The following NBEAL1 variants were observed in gnomAD, a reference collection of about 807,000 sequenced individuals.
NBEAL1 encodes the protein neurobeachin-like protein 1.
NBEAL1 carries 273 observed loss-of-function variants against 351.3 expected under a neutral mutation model. The ratio of observed to expected loss-of-function variants is 0.78; its 90% CI spans 0.70 to 0.86. NBEAL1 has a LOEUF of 0.86. NBEAL1 is among the 40% of genes least tolerant of loss of function. The probability of loss-of-function intolerance (pLI) is 0.00; values close to 1 mark genes in which losing one functional copy is unlikely to be tolerated. For synonymous variants in NBEAL1, 1,050 were observed against 1,086.4 expected (o/e 0.97, Z 0.66); for missense variants, 2,961 against 3,201.3 (o/e 0.92, Z 1.81).
intron 2 of NBEAL1, among the ~76,000 whole-genome samples, chr2:203,036,143 G>A (rs932372991): frequency 6.7e-6 from 1 of 149,246 alleles, no homozygotes; most frequent in East Asian, 1.9e-4. Context: ...CAAATGGCAA[G>A]ATAGGCCAGA....
In NBEAL1 at chr2:203,041,862, T is replaced by TA; in HGVS notation, c.143+7dup. 2 of 1,542,264 alleles carry TA rather than the reference T, an allele frequency of 1.3e-6. No individual in the cohort carries two copies. Among genetic ancestry groups the TA allele is most frequent in the Non-Finnish European group, 1.8e-6 (2 of 1,138,246 alleles). ...TTTGAAAAGCTGCCTACCAGGTATG[T>TA]AGAAACGCTAATTTGTAACCCCTGG... is the stretch of plus-strand genomic sequence containing the variant. On this transcript the variant is annotated splice_region_variant and intron_variant, in intron 3 of 55. Coordinates refer to ENST00000683969, the MANE Select transcript of NBEAL1 (RefSeq NM_001378026.1).
In NBEAL1 at chr2:203,154,310, A is replaced by T. The variant is rs189263627; in HGVS notation, c.5587+2721A>T. ...TACAGAAAAAAAAATTATATATTTCAAGGTGAAATTGGAAATCATAAAAAA... is the reference window on the plus strand; with the variant it reads ...TACAGAAAAAAAAATTATATATTTCTAGGTGAAATTGGAAATCATAAAAAA... On this transcript the variant is annotated intron_variant, in intron 35 of 55. Transcript: ENST00000683969. 1.0e-3 allele frequency among the ~76,000 whole-genome samples: 159 copies of T among 152,148 alleles called. 1 individual carries two copies. Among genetic ancestry groups the T allele is most frequent in the Non-Finnish European group, 1.8e-3 (121 of 68,014 alleles).
chr2:203,177,146 A>G (rs2064532556), intron 42 of NBEAL1, among the ~76,000 whole-genome samples: 2 of 146,634 alleles, frequency 1.4e-5, no homozygotes, highest in South Asian at 2.2e-4. Context: ...GCAAAGCTCT[A>G]TCTCAAAAAA....
intron 44 of NBEAL1, among the ~76,000 whole-genome samples, chr2:203,184,100 GAAAC>G (rs1217904884): frequency 9.5e-5 from 10 of 105,184 alleles, no homozygotes; most frequent in South Asian, 9.2e-4. Flanking sequence ...AAAAAAAAAA[GAAAC>G]AAACAAAAAA....
chr2:203,213,164 A>T (rs2065833638), intron 54 of NBEAL1, among the ~76,000 whole-genome samples: 2 of 152,378 alleles, frequency 1.3e-5, no homozygotes, highest in South Asian at 4.1e-4. Context: ...AGATGTAAAA[A>T]CTGAAGTAAT....
At chr2:203,139,515 A>G (rs1191807397) in intron 31 of NBEAL1, among the ~76,000 whole-genome samples, 2 of 145,532 alleles carry the variant, frequency 1.4e-5, no homozygotes, top group Non-Finnish European at 3.0e-5. Context: ...TAATAAGAAC[A>G]TGGAGAGGTT....
chr2:203,126,638 C>T lies in NBEAL1; in HGVS notation c.3067C>T (p.Gln1023Ter). Residue 1023 changes from glutamine to a stop codon, truncating the protein, a stop_gained, in exon 22 of 56, where the codon CAG (glutamine) becomes TAG (stop). Transcript: ENST00000683969. LOFTEE classifies it high-confidence loss of function. ...ACAAGTATCATTAGAGAAAAATATG[C>T]AGCTCCTGCAACAAATGTATCAATA... The part of the protein sequence containing the change: ...IEQVSLEKNM[Q>*]LLQQMYQYLL... 1 of 1,529,520 alleles carries T rather than the reference C, an allele frequency of 6.5e-7. No homozygotes were observed. Among genetic ancestry groups the T allele is most frequent in the South Asian group, 1.3e-5 (1 of 79,042 alleles). The allele number at this position is 1,529,520 out of a possible 1,614,324, so 94.7% of individuals were successfully genotyped here. A position where few individuals can be genotyped will look rare whatever the true frequency, so the allele number is the denominator to read the frequency against.
chr2:203,131,474 G>A (rs770975752), intron 25 of NBEAL1, among the ~76,000 whole-genome samples: 4 of 152,044 alleles, frequency 2.6e-5, no homozygotes, highest in Non-Finnish European at 5.9e-5. Context: ...CCTCAGCCTC[G>A]CTAAGTGCTG....
chr2:203,143,515 G>T (rs527954378), intron 31 of NBEAL1, among the ~76,000 whole-genome samples: 31 of 145,650 alleles, frequency 2.1e-4, no homozygotes, highest in African/African-American at 7.9e-4. Flanking sequence ...GATTCAGTCA[G>T]GGCTCCAGTT....
chr2:203,033,418 A>G (rs1339341427), intron 2 of NBEAL1, among the ~76,000 whole-genome samples: 1 of 152,264 alleles, frequency 6.6e-6, no homozygotes, highest in African/African-American at 2.4e-5. Flanking sequence ...TATATTGAAC[A>G]GGCCACTATC....
At chr2:203,097,481 T>C in intron 10 of NBEAL1, 66 bp from the exon 11 acceptor site, 1 of 580,538 alleles carries the variant, frequency 1.7e-6, no homozygotes, top group Non-Finnish European at 2.2e-6. Flanking sequence ...CATTTAAGCT[T>C]CATTGCTGCT....
chr2:203,060,737 C>T (rs2061486481), intron 6 of NBEAL1, among the ~76,000 whole-genome samples: 1 of 152,226 alleles, frequency 6.6e-6, no homozygotes, highest in East Asian at 1.9e-4. Context: ...ATTATAATAA[C>T]ATTCCACTTA....
At chr2:203,168,510 G>A (rs2064209653) in intron 38 of NBEAL1, among the ~76,000 whole-genome samples, 1 of 152,226 alleles carries the variant, frequency 6.6e-6, no homozygotes, top group South Asian at 2.1e-4. Context: ...TTGAACCTGG[G>A]AGGCAGAGAT....
intron 10 of NBEAL1, among the ~76,000 whole-genome samples, chr2:203,092,749 C>T (rs1327936289): frequency 6.6e-6 from 1 of 152,034 alleles, no homozygotes; most frequent in African/African-American, 2.4e-5. Context: ...GAGAGTAATT[C>T]AGAATAAAGA....
chr2:203,135,794 C>A lies in NBEAL1; in HGVS notation c.3931C>A (p.Leu1311Ile), dbSNP rs1269372310. The A allele has an allele frequency of 6.2e-7, 1 of 1,612,534 alleles. No individual in the cohort carries two copies. The highest frequency in any genetic ancestry group is 1.7e-5 in the Admixed American group (1 of 59,814). ...AGCAAAATTTGAAAACGGAAATACT[C>A]TTCATAAGCACAGTAGAGCTGTTTT... ...LKAKFENGNT[L>I]HKHSRAVLMK... The change falls in exon 28 of 56, where the codon CTT becomes ATT. Residue 1311 changes from leucine to isoleucine, a missense_variant. Coordinates refer to ENST00000683969, the MANE Select transcript of NBEAL1 (RefSeq NM_001378026.1).
rs1346460897 is a variant in NBEAL1, at chr2:203,208,679, C to G, written c.7549C>G (p.Leu2517Val). 2 of 1,612,498 alleles carry G rather than the reference C, an allele frequency of 1.2e-6. No homozygotes were observed. The highest frequency in any genetic ancestry group is 2.2e-5 in the South Asian group (2 of 90,726). Residue 2517 changes from leucine (L) to valine (V), a missense_variant, in exon 52 of 56, where the codon CTT becomes GTT. Leu to Val is a conservative substitution (Grantham distance 32). Transcript: ENST00000683969. ...VGLASKPFQILYGHTNEVLSV... is the reference protein window; with the variant it reads ...VGLASKPFQIVYGHTNEVLSV... ...CTTAGCATCTAAACCTTTTCAGATT[C>G]TTTATGGACACACCAACGAGGTACT...
chr2:203,125,175 T>C (rs765488584), intron 19 of NBEAL1, among the ~76,000 whole-genome samples, 177 bp from the exon 20 acceptor site: 4 of 152,200 alleles, frequency 2.6e-5, no homozygotes, highest in Non-Finnish European at 5.9e-5. Context: ...TTGATTATGG[T>C]GACCCTTGAG....
rs1386417698 is a variant in NBEAL1 at position 203,220,302 on chromosome 2, G to C, written c.*2948G>C. 1.3e-5 allele frequency among the ~76,000 whole-genome samples: 2 copies of C among 152,026 alleles called. No individual in the cohort carries two copies. The highest frequency in any genetic ancestry group is 2.9e-5 in the Non-Finnish European group (2 of 68,006). On this transcript the variant is annotated 3_prime_UTR_variant, in exon 56 of 56. Coordinates refer to ENST00000683969, the MANE Select transcript of NBEAL1 (RefSeq NM_001378026.1). ...AGTTCAAGACCAGCCTGGCCAACAT[G>C]GTGAAACCCTGTCTCTACTAAAAAT...
intron 54 of NBEAL1, among the ~76,000 whole-genome samples, chr2:203,211,516 A>G (rs950185863): frequency 5.9e-5 from 9 of 151,922 alleles, no homozygotes; most frequent in African/African-American, 2.2e-4. Context: ...GCATGGTAGC[A>G]TGTTCCTGTG....
Sources: gnomAD v4.1 joint callset for allele counts (sites outside exome capture counted in the v4.1 genomes callset) on GRCh38, gnomAD v4.1.1 for gene constraint, MANE v1.5 for transcripts, NCBI Gene and HGNC (gene_info 2026-07-23, HGNC 2026-07-21) for gene names.